Variants in LNX2 observed in about 807,000 individuals in gnomAD.
LNX2 encodes the protein ligand of Numb protein X 2.
In LNX2, 35 loss-of-function variants were observed where a neutral mutation model predicts 66.2. That is an observed-to-expected ratio of 0.53 (90% CI 0.40 to 0.70). The LOEUF is 0.70. Among genes scored for constraint, LNX2 ranks in the 30% least tolerant of loss-of-function variants. The pLI, the probability that LNX2 is intolerant of heterozygous loss-of-function variation, is 0.00. For missense variants in LNX2, 791 were observed against 850.8 expected, an observed-to-expected ratio of 0.93 and a Z score of 0.87; for synonymous variants, 337 against 315.6, an observed-to-expected ratio of 1.07 and a Z score of -0.72.
At position 27,548,569 on chromosome 13, in the gene LNX2, C is replaced by G. The variant is rs79591138; in HGVS notation, c.1938-99G>C. 7,097 of 1,241,076 alleles carry G rather than the reference C, an allele frequency of 5.7e-3. 341 individuals carry two copies. The African/African-American group carries it at 0.092, about 16-fold the overall frequency. 76.9% of individuals were successfully genotyped at this position (1,241,076 alleles called of 1,614,324 possible). On this transcript the variant is annotated intron_variant, in intron 9 of 9. Transcript: ENST00000316334. ...AGCATGAAAAATGCGGTTTCACTTA[C>G]CACTGAACTGTCAATGGTTAGGGTG... is the stretch of plus-strand genomic sequence containing the variant.
rs17085749 is a variant in LNX2 at position 27,547,570 on chromosome 13, G to A, written c.*765C>T. On this transcript the variant is annotated 3_prime_UTR_variant, in exon 10 of 10. Coordinates refer to ENST00000316334, the MANE Select transcript of LNX2 (RefSeq NM_153371.4). ...GAAATGTTGGCACCAATAAAAAATGGGAACGGCCGGGTGCGGCAGCTCACA... is the reference window on the plus strand; with the variant it reads ...GAAATGTTGGCACCAATAAAAAATGAGAACGGCCGGGTGCGGCAGCTCACA... 16,680 of 152,190 alleles carry A rather than the reference G, an allele frequency of 0.11. 1,082 individuals carry two copies. Among genetic ancestry groups the A allele is most frequent in the East Asian group, 0.28 (1,452 of 5,174 alleles). The allele number at this position is 152,190 out of a possible 1,614,324, so 9.4% of individuals were successfully genotyped here.
At chr13:27,553,468 A>G (rs747869389) in intron 7 of LNX2, 29 bp from the exon 8 acceptor site, 4 of 1,571,186 alleles carry the variant, frequency 2.5e-6, no homozygotes, top group South Asian at 2.2e-5. Flanking sequence ...AAGAAAAATG[A>G]GCTGAGCCAC....
intron 2 of LNX2, 137 bp downstream of exon 2, chr13:27,581,160 A>T (rs1593251381): frequency 1.8e-6 from 1 of 560,476 alleles, no homozygotes; most frequent in East Asian, 3.0e-5. Flanking sequence ...CAACTTATTT[A>T]TTGTATCTCT....
At chr13:27,605,768 A>C (rs988839214) in intron 1 of LNX2, among the ~76,000 whole-genome samples, 4 of 152,224 alleles carry the variant, frequency 2.6e-5, no homozygotes, top group African/African-American at 9.6e-5. Context: ...GCAGTCACGC[A>C]AATGGCAGTT....
intron 1 of LNX2, among the ~76,000 whole-genome samples, chr13:27,587,477 C>A (rs1311578698): frequency 1.3e-5 from 2 of 152,128 alleles, no homozygotes; most frequent in African/African-American, 2.4e-5. Flanking sequence ...CATACATGAT[C>A]CTGAAATGCA....
intron 1 of LNX2, among the ~76,000 whole-genome samples, chr13:27,616,179 TGGGGGGTTGG>T (rs1354669840): frequency 0.022 from 359 of 16,514 alleles, 1 homozygote; most frequent in Non-Finnish European, 0.035. Context: ...GGGGGTGGGG[TGGGGGGTTGG>T]GGGGGGTAGC....
chr13:27,578,647 A>T (rs959755609), intron 2 of LNX2, among the ~76,000 whole-genome samples: 6 of 152,166 alleles, frequency 3.9e-5, no homozygotes, highest in Non-Finnish European at 7.3e-5. Flanking sequence ...TTATGTAAGA[A>T]CTTTAAATAC....
chr13:27,592,360 G>GA lies in LNX2; in HGVS notation c.-100-10558dup, dbSNP rs540629260. On this transcript the variant is annotated intron_variant, in intron 1 of 9. Transcript: ENST00000316334. Reference sequence around the variant, plus strand: ...GTGTTCATGGGCTGATGGGAGGGGGGAAAGTCAAGGATGACACCAAGATTT... The same window carrying GA: ...GTGTTCATGGGCTGATGGGAGGGGGGAAAAGTCAAGGATGACACCAAGATTT... 1.1e-4 allele frequency among the ~76,000 whole-genome samples: 16 copies of GA among 152,280 alleles called. No homozygotes were observed. The East Asian group carries it at 3.1e-3, about 29-fold the overall frequency.
chr13:27,588,361 C>T lies in LNX2; in HGVS notation c.-100-6558G>A, dbSNP rs544277597. Among the ~76,000 whole-genome samples the T allele has an allele frequency of 2.6e-5, 4 of 152,264 alleles. No individual in the cohort carries two copies. In the South Asian group the frequency reaches 8.3e-4, roughly 32 times the overall value. ...CGATAAAAAGGAATGAACTATTAAC[C>T]TCTATGAACAACAACCTCTATGAAT... On this transcript the variant is annotated intron_variant, in intron 1 of 9. Coordinates refer to ENST00000316334, the MANE Select transcript of LNX2 (RefSeq NM_153371.4).
chr13:27,591,387 C>T (rs1955544974), intron 1 of LNX2, among the ~76,000 whole-genome samples: 1 of 152,158 alleles, frequency 6.6e-6, no homozygotes, highest in South Asian at 2.1e-4. Context: ...TATGAAGCCC[C>T]TAGGATGATC....
intron 1 of LNX2, among the ~76,000 whole-genome samples, chr13:27,617,956 C>A (rs1328113780): frequency 6.6e-6 from 1 of 152,230 alleles, no homozygotes; most frequent in Non-Finnish European, 1.5e-5. Flanking sequence ...GTGCTAGGTA[C>A]CCTGCCAAAG....
At chr13:27,617,530 C>T (rs1319842834) in intron 1 of LNX2, among the ~76,000 whole-genome samples, 2 of 152,206 alleles carry the variant, frequency 1.3e-5, no homozygotes, top group Admixed American at 6.5e-5. Context: ...AACCAGATTA[C>T]AAGAGCCTGG....
At chr13:27,551,706 C>T (rs1200417958) in intron 8 of LNX2, among the ~76,000 whole-genome samples, 1 of 152,148 alleles carries the variant, frequency 6.6e-6, no homozygotes, top group African/African-American at 2.4e-5. Context: ...CATGCCAGAA[C>T]TTCTCATCTT....
intron 2 of LNX2, among the ~76,000 whole-genome samples, chr13:27,575,254 T>C (rs1955329985): frequency 6.6e-6 from 1 of 152,216 alleles, no homozygotes; most frequent in Admixed American, 6.5e-5. Flanking sequence ...ATACAACTTG[T>C]ATAATAATAA....
chr13:27,568,901 GTTTC>G, intron 3 of LNX2, 124 bp downstream of exon 3: 1 of 986,400 alleles, frequency 1.0e-6, no homozygotes, highest in Non-Finnish European at 1.4e-6. Flanking sequence ...TCTCAATGAA[GTTTC>G]TTTTATTTCT....
intron 1 of LNX2, among the ~76,000 whole-genome samples, chr13:27,600,203 C>T (rs371545189): frequency 1.3e-5 from 2 of 152,092 alleles, no homozygotes; most frequent in South Asian, 2.1e-4. Flanking sequence ...ACAAAATGAT[C>T]GAGAAATTTC....
At chr13:27,591,824 A>G (rs1955548982) in intron 1 of LNX2, among the ~76,000 whole-genome samples, 1 of 152,246 alleles carries the variant, frequency 6.6e-6, no homozygotes, top group South Asian at 2.1e-4. Flanking sequence ...GGGAAGTCAC[A>G]GTACTGGGAG....
At chr13:27,559,023 G>A (rs1955097174) in intron 6 of LNX2, among the ~76,000 whole-genome samples, 1 of 152,028 alleles carries the variant, frequency 6.6e-6, no homozygotes, top group Non-Finnish European at 1.5e-5. Flanking sequence ...GTCACATTTA[G>A]CTTTTATTTT....
intron 2 of LNX2, among the ~76,000 whole-genome samples, chr13:27,570,001 G>A (rs1391560086): frequency 6.6e-6 from 1 of 152,096 alleles, no homozygotes; most frequent in Non-Finnish European, 1.5e-5. Flanking sequence ...CAAATAAAAG[G>A]AGCCGATGGA....
Sources: allele counts gnomAD v4.1 joint callset (sites outside exome capture counted in the v4.1 genomes callset), GRCh38; gene constraint gnomAD v4.1.1; transcripts MANE v1.5; gene names NCBI Gene and HGNC (gene_info 2026-07-23, HGNC 2026-07-21).